The following RHPN2 variants were observed in gnomAD, a reference collection of about 807,000 sequenced individuals.
RHPN2 encodes rhophilin Rho GTPase binding protein 2.
A neutral mutation model predicts 79.0 loss-of-function variants in RHPN2; 40 were observed. That is an observed-to-expected ratio of 0.51 (90% CI 0.39 to 0.66). The LOEUF is 0.66. Ranked by LOEUF, RHPN2 falls within the 30% of genes least tolerant of loss-of-function variation. The pLI is 0.00. For missense variants in RHPN2, 686 were observed against 883.5 expected (o/e 0.78, Z 2.83); for synonymous variants, 285 against 363.5 (o/e 0.78, Z 2.46).
chr19:33,002,643 T>A (rs1599813403), intron 8 of RHPN2, among the ~76,000 whole-genome samples, 170 bp downstream of exon 8: 1 of 152,268 alleles, frequency 6.6e-6, no homozygotes, highest in Admixed American at 6.5e-5. Flanking sequence ...GTGATCTGTA[T>A]CTGAAACACC....
At chr19:33,020,473 A>T (rs1971914541) in intron 4 of RHPN2, among the ~76,000 whole-genome samples, 1 of 150,160 alleles carries the variant, frequency 6.7e-6, no homozygotes, top group African/African-American at 2.5e-5. Flanking sequence ...GATTACAGGC[A>T]TATGCCACTA....
intron 6 of RHPN2, among the ~76,000 whole-genome samples, chr19:33,009,293 A>C (rs898865729): frequency 4.3e-5 from 6 of 139,424 alleles, no homozygotes; most frequent in African/African-American, 1.6e-4. Context: ...TTCTTCAATT[A>C]TAAAAAAAAA....
At chr19:32,990,237 A>C (rs1393831443) in intron 14 of RHPN2, among the ~76,000 whole-genome samples, 1 of 151,982 alleles carries the variant, frequency 6.6e-6, no homozygotes, top group African/African-American at 2.4e-5. Context: ...GGATCACTTA[A>C]ACCCAAGAGA....
At chr19:33,051,027 T>G (rs1451634540) in intron 1 of RHPN2, among the ~76,000 whole-genome samples, 1 of 152,142 alleles carries the variant, frequency 6.6e-6, no homozygotes, top group Middle Eastern at 3.2e-3. Context: ...AGTCTCACTC[T>G]GTCACCCAAG....
At chr19:33,016,478 C>T (rs112272633) in intron 4 of RHPN2, among the ~76,000 whole-genome samples, 9 of 151,982 alleles carry the variant, frequency 5.9e-5, no homozygotes, top group African/African-American at 1.9e-4. Flanking sequence ...GTCAGGAGTT[C>T]GAGAACAGCC....
chr19:32,987,043 AT>A (rs944366101), intron 14 of RHPN2, among the ~76,000 whole-genome samples: 1 of 150,886 alleles, frequency 6.6e-6, no homozygotes, highest in African/African-American at 2.4e-5. Context: ...TGCCTCGCTA[AT>A]TTTTTTTATT....
chr19:32,990,008 G>C (rs1599807148), intron 14 of RHPN2, among the ~76,000 whole-genome samples: 1 of 152,236 alleles, frequency 6.6e-6, no homozygotes, highest in African/African-American at 2.4e-5. Flanking sequence ...GGGAGGCTGA[G>C]GCAGGAGAAT....
At position 32,980,290 on chromosome 19, in the gene RHPN2, G is replaced by A. The variant is rs779764265; in HGVS notation, c.1801-34C>T. On this transcript the variant is annotated intron_variant, in intron 14 of 14. Coordinates refer to ENST00000254260, the MANE Select transcript of RHPN2 (RefSeq NM_033103.5). ...AGAAAAGTAAGAAAAAGGGCGTCAG[G>A]CATCATCAAGATAGATGATAAAAAC... 1.9e-6 allele frequency: 3 copies of A among 1,613,636 alleles called. 1 individual carries two copies. The South Asian group carries it at 3.3e-5, about 18-fold the overall frequency.
intron 14 of RHPN2, among the ~76,000 whole-genome samples, chr19:32,985,029 C>A (rs1055000185): frequency 6.6e-6 from 1 of 151,594 alleles, no homozygotes; most frequent in African/African-American, 2.4e-5. Flanking sequence ...GATGGAGTCT[C>A]CCTCTCTTGC....
intron 13 of RHPN2, 35 bp from the exon 14 acceptor site, chr19:32,990,704 T>G (rs758974580): frequency 6.2e-7 from 1 of 1,613,310 alleles, no homozygotes; most frequent in Admixed American, 1.7e-5. Flanking sequence ...GTCAACGTTT[T>G]GTTCACTCAA....
chr19:33,033,623 C>T (rs1035740466), intron 2 of RHPN2, among the ~76,000 whole-genome samples: 4 of 151,852 alleles, frequency 2.6e-5, no homozygotes, highest in African/African-American at 9.7e-5. Flanking sequence ...AATACTAGCA[C>T]TTTGGGAGGC....
At chr19:33,038,665 C>A (rs1972076895) in intron 2 of RHPN2, among the ~76,000 whole-genome samples, 1 of 148,976 alleles carries the variant, frequency 6.7e-6, no homozygotes, top group Non-Finnish European at 1.5e-5. Context: ...ATTTTCTTTT[C>A]TTTTTGTTAA....
chr19:33,030,366 G>A (rs966173449), intron 2 of RHPN2, among the ~76,000 whole-genome samples: 12 of 152,080 alleles, frequency 7.9e-5, no homozygotes, highest in South Asian at 4.2e-4. Flanking sequence ...GCCGAGGCAC[G>A]CGGATCACTT....
chr19:32,981,399 G>T (rs1160705836), intron 14 of RHPN2, among the ~76,000 whole-genome samples: 2 of 81,554 alleles, frequency 2.5e-5, no homozygotes, highest in Non-Finnish European at 4.2e-5. Context: ...TGAGACCTCT[G>T]TCTCAAAATA....
chr19:33,023,280 C>CA (rs1190966360), intron 3 of RHPN2, among the ~76,000 whole-genome samples: 1 of 151,620 alleles, frequency 6.6e-6, no homozygotes, highest in Non-Finnish European at 1.5e-5. Context: ...ACTAAAAATA[C>CA]AAAAACTACC....
chr19:33,060,471 G>A (rs1401640583), intron 1 of RHPN2, among the ~76,000 whole-genome samples: 1 of 152,122 alleles, frequency 6.6e-6, no homozygotes, highest in African/African-American at 2.4e-5. Flanking sequence ...TCTGAGCTAA[G>A]GGTGCAAGCT....
intron 1 of RHPN2, among the ~76,000 whole-genome samples, chr19:33,064,485 G>C (rs1366969414): frequency 6.6e-6 from 1 of 151,866 alleles, no homozygotes; most frequent in Non-Finnish European, 1.5e-5. Context: ...GTGGCGGGGG[G>C]TGGGAGGGGG....
chr19:32,994,835 C>T (rs1971688178), intron 11 of RHPN2, among the ~76,000 whole-genome samples: 1 of 152,054 alleles, frequency 6.6e-6, no homozygotes. Context: ...TGGTGGCATG[C>T]GCCTATAGTC....
intron 1 of RHPN2, among the ~76,000 whole-genome samples, chr19:33,055,757 A>C (rs1972227465): frequency 6.6e-6 from 1 of 151,502 alleles, no homozygotes; most frequent in Non-Finnish European, 1.5e-5. Context: ...AACAACAACA[A>C]ACAAAAATTC....
Sources: allele counts gnomAD v4.1 joint callset (sites outside exome capture counted in the v4.1 genomes callset), GRCh38; gene constraint gnomAD v4.1.1; transcripts MANE v1.5; gene names NCBI Gene and HGNC (gene_info 2026-07-23, HGNC 2026-07-21).